The following NFIL3 variants were observed in gnomAD, a reference collection of about 807,000 sequenced individuals.
The protein encoded by NFIL3 is nuclear factor, interleukin 3 regulated, also known as nuclear factor interleukin-3-regulated protein.
NFIL3 carries 5 observed loss-of-function variants against 10.0 expected under a neutral mutation model. That is an observed-to-expected ratio of 0.50 (90% confidence interval 0.26 to 1.06). The LOEUF is 1.06. Ranked by LOEUF, NFIL3 falls within the 50% of genes least tolerant of loss-of-function variation. The probability of loss-of-function intolerance (pLI) is 0.13; values close to 1 mark genes in which losing one functional copy is unlikely to be tolerated. For missense variants in NFIL3, 436 were observed against 547.6 expected, an observed-to-expected ratio of 0.80 and a Z score of 2.03; for synonymous variants, 202 against 206.5, an observed-to-expected ratio of 0.98 and a Z score of 0.19.
At chr9:91,423,554 C>T (rs1280526052) in intron 1 of NFIL3, 86 bp downstream of exon 1, 2 of 149,426 alleles carry the variant, frequency 1.3e-5, no homozygotes, top group Non-Finnish European at 3.0e-5. Context: ...CACAGCGCGG[C>T]CCGCACCCCG....
At chr9:91,435,336 T>G in the NFIL3 span, among the ~76,000 whole-genome samples, 1 of 152,220 alleles carries the variant, frequency 6.6e-6, no homozygotes, top group East Asian at 1.9e-4. Context: ...CTTGCCTGCC[T>G]GCAGCAATTG....
upstream of NFIL3, among the ~76,000 whole-genome samples, chr9:91,428,162 C>T (rs1374996023): frequency 3.3e-5 from 5 of 152,100 alleles, no homozygotes; most frequent in South Asian, 8.3e-4. Flanking sequence ...TAATCTTTCA[C>T]CTCTGTCTTC....
the NFIL3 span, among the ~76,000 whole-genome samples, chr9:91,452,702 A>G: frequency 1.8e-3 from 264 of 148,814 alleles, 2 homozygotes; most frequent in African/African-American, 6.3e-3. Flanking sequence ...CAGGAGAATC[A>G]CTTGAACTCG....
At chr9:91,459,396 T>C in the NFIL3 span, among the ~76,000 whole-genome samples, 8 of 152,238 alleles carry the variant, frequency 5.3e-5, no homozygotes, top group African/African-American at 1.9e-4. Context: ...CAGGCTGCTC[T>C]TTTAGAAAAG....
chr9:91,452,233 C>A, the NFIL3 span, among the ~76,000 whole-genome samples: 1 of 152,208 alleles, frequency 6.6e-6, no homozygotes, highest in South Asian at 2.1e-4. Flanking sequence ...AGCCTGCTAC[C>A]AGGAAGCTTC....
chr9:91,424,595 C>T (rs961671765), upstream of NFIL3, among the ~76,000 whole-genome samples: 2 of 152,216 alleles, frequency 1.3e-5, no homozygotes, highest in Non-Finnish European at 2.9e-5. Context: ...GGAGGGAAAG[C>T]TCCACGCACA....
the NFIL3 span, among the ~76,000 whole-genome samples, chr9:91,458,316 T>C: frequency 0.01 from 1,538 of 152,264 alleles, 32 homozygotes; most frequent in African/African-American, 0.034. Context: ...TCAATTTCAT[T>C]ATGAGATTCA....
intron 1 of NFIL3, 75 bp downstream of exon 1, chr9:91,423,552 GGCCCGCACCCCGC>G (rs920087891): frequency 1.5e-4 from 23 of 149,682 alleles, no homozygotes; most frequent in African/African-American, 5.3e-4. Context: ...CACACAGCGC[GGCCCGCACCCCGC>G]GCCCGCCCGC....
chr9:91,409,835 A>C lies in NFIL3; in HGVS notation c.900T>G (p.His300Gln). ...DEQQVPKGPIHSPVELKHVHA... is the reference protein window; with the variant it reads ...DEQQVPKGPIQSPVELKHVHA... ...GCACATGCTTGAGTTCAACTGGAGA[A>C]TGGATGGGGCCCTTGGGGACCTGTT... is the stretch of plus-strand genomic sequence containing the variant. The change falls in exon 2 of 2, where the codon CAT (histidine) becomes CAG (glutamine). Residue 300 changes from histidine (H) to glutamine (Q), a missense_variant. Coordinates refer to ENST00000297689, the MANE Select transcript of NFIL3 (RefSeq NM_005384.3). 1.2e-6 allele frequency: 2 copies of C among 1,614,058 alleles called. No individual in the cohort carries two copies. The highest frequency in any genetic ancestry group is 1.7e-6 in the Non-Finnish European group (2 of 1,180,020).
the NFIL3 span, among the ~76,000 whole-genome samples, chr9:91,458,004 G>T: frequency 6.6e-6 from 1 of 151,646 alleles, no homozygotes; most frequent in Admixed American, 6.6e-5. Flanking sequence ...TGTATTCATG[G>T]GATAAACCCC....
chr9:91,448,252 T>TA, the NFIL3 span, among the ~76,000 whole-genome samples: 1 of 152,104 alleles, frequency 6.6e-6, no homozygotes, highest in South Asian at 2.1e-4. Context: ...TAACTTACTT[T>TA]AAAAAAAGGT....
At chr9:91,460,640 G>A in the NFIL3 span, among the ~76,000 whole-genome samples, 1,421 of 152,200 alleles carry the variant, frequency 9.3e-3, 17 homozygotes, top group African/African-American at 0.032. Context: ...ACAGGAGATG[G>A]AATGTTTATC....
the NFIL3 span, among the ~76,000 whole-genome samples, chr9:91,479,116 C>G: frequency 6.6e-6 from 1 of 152,194 alleles, no homozygotes; most frequent in African/African-American, 2.4e-5. Flanking sequence ...TTAGGAGGCA[C>G]AGGGGTCAGG....
chr9:91,460,149 G>T, the NFIL3 span, among the ~76,000 whole-genome samples: 1 of 152,018 alleles, frequency 6.6e-6, no homozygotes, highest in Non-Finnish European at 1.5e-5. Flanking sequence ...AGAGGAGAAG[G>T]CTGTGCAGGT....
chr9:91,443,568 C>T, the NFIL3 span, among the ~76,000 whole-genome samples: 1 of 152,258 alleles, frequency 6.6e-6, no homozygotes, highest in African/African-American at 2.4e-5. Context: ...CAGCACCACC[C>T]CAAGCACATG....
the NFIL3 span, among the ~76,000 whole-genome samples, chr9:91,482,734 C>CTCAGGTGA: frequency 6.6e-6 from 1 of 152,040 alleles, no homozygotes. Context: ...ACTCTGTGAC[C>CTCAGGTGA]TCAGGTGATC....
rs1833533774 is a variant in NFIL3, at chr9:91,410,772, C to T, written c.-38G>A. ...TACCCTATCTATGTGTGTAGGAGAA[C>T]AAATTAATTTCCCCGTATTCTCAAG... On this transcript the variant is annotated 5_prime_UTR_variant, in exon 2 of 2. Coordinates refer to ENST00000297689, the MANE Select transcript of NFIL3 (RefSeq NM_005384.3). The surrounding 1 kb of genome is among the most constrained non-coding windows in gnomAD (Gnocchi z 5.7). The T allele has an allele frequency of 6.6e-7, 1 of 1,509,842 alleles. No homozygotes were observed. Among genetic ancestry groups the T allele is most frequent in the African/African-American group, 1.4e-5 (1 of 71,488 alleles). 93.5% of individuals were successfully genotyped at this position (1,509,842 alleles called of 1,614,324 possible). A position where few individuals can be genotyped will look rare whatever the true frequency, so the allele number is the denominator to read the frequency against.
At chr9:91,434,631 T>C in the NFIL3 span, among the ~76,000 whole-genome samples, 1 of 152,100 alleles carries the variant, frequency 6.6e-6, no homozygotes, top group Non-Finnish European at 1.5e-5. Context: ...AGACAAAAAA[T>C]TTGAGAAAAT....
chr9:91,447,458 C>G, the NFIL3 span, among the ~76,000 whole-genome samples: 1 of 152,176 alleles, frequency 6.6e-6, no homozygotes, highest in Non-Finnish European at 1.5e-5. Context: ...CAATGACACA[C>G]AAGAGTTCCA....
Sources: gnomAD v4.1 joint callset for allele counts (sites outside exome capture counted in the v4.1 genomes callset) on GRCh38, gnomAD v4.1.1 for gene constraint, Gnocchi (gnomAD v3.1) non-coding constraint, MANE v1.5 for transcripts, NCBI Gene and HGNC (gene_info 2026-07-23, HGNC 2026-07-21) for gene names.